Variants in WDPCP observed in about 807,000 individuals in gnomAD.
WDPCP encodes the protein WD repeat containing planar cell polarity effector, also known as WD repeat-containing and planar cell polarity effector protein fritz homolog.
A neutral mutation model predicts 93.1 loss-of-function variants in WDPCP; 71 were observed. The observed-to-expected ratio is 0.76, with a 90% CI of 0.63 to 0.93. WDPCP has a LOEUF of 0.93. WDPCP is among the 40% of genes least tolerant of loss of function. WDPCP has a pLI of 0.00. For missense variants in WDPCP, 844 were observed against 887.4 expected, an observed-to-expected ratio of 0.95 and a Z score of 0.62; for synonymous variants, 315 against 315.0, an observed-to-expected ratio of 1.00 and a Z score of 0.00.
chr2:63,668,150 G>A (rs992025287), intron 2 of WDPCP, among the ~76,000 whole-genome samples: 3 of 152,178 alleles, frequency 2.0e-5, no homozygotes, highest in African/African-American at 7.2e-5. Flanking sequence ...GACACAAAGT[G>A]AGATGTCAGA....
At chr2:63,208,749 G>C in intron 14 of WDPCP, among the ~76,000 whole-genome samples, 1 of 152,178 alleles carries the variant, frequency 6.6e-6, no homozygotes, top group African/African-American at 2.4e-5. Flanking sequence ...TACCTTCCGT[G>C]TGTTTCTCCC....
intron 12 of WDPCP, among the ~76,000 whole-genome samples, chr2:63,353,332 A>G (rs1689771074): frequency 6.6e-6 from 1 of 152,178 alleles, no homozygotes; most frequent in South Asian, 2.1e-4. Context: ...TAGACATTGG[A>G]ACATACCCCT....
chr2:63,337,050 T>C (rs1240381979), intron 12 of WDPCP, among the ~76,000 whole-genome samples: 1 of 152,048 alleles, frequency 6.6e-6, no homozygotes, highest in African/African-American at 2.4e-5. Flanking sequence ...TGTGACACAA[T>C]GCCCAGCTAA....
chr2:63,778,027 G>A (rs542438410), intron 2 of WDPCP, among the ~76,000 whole-genome samples: 1 of 152,252 alleles, frequency 6.6e-6, no homozygotes, highest in East Asian at 1.9e-4. Flanking sequence ...TGAACTCCTA[G>A]TATGCAATGC....
At chr2:63,230,191 T>C (rs1678725088) in intron 14 of WDPCP, among the ~76,000 whole-genome samples, 2 of 151,346 alleles carry the variant, frequency 1.3e-5, no homozygotes. Flanking sequence ...CAGTGTTTGG[T>C]TTTCTGTCCT....
At chr2:63,640,790 C>G (rs1032692650) in intron 3 of WDPCP, among the ~76,000 whole-genome samples, 3 of 152,144 alleles carry the variant, frequency 2.0e-5, no homozygotes, top group East Asian at 1.9e-4. Flanking sequence ...TCCATCCCCT[C>G]AAGCATTCAT....
chr2:63,629,874 A>G (rs1038987085), intron 3 of WDPCP, among the ~76,000 whole-genome samples: 1 of 152,262 alleles, frequency 6.6e-6, no homozygotes, highest in Admixed American at 6.5e-5. Context: ...TGTAATACTC[A>G]AAATGTCCAG....
intron 6 of WDPCP, among the ~76,000 whole-genome samples, chr2:63,471,560 G>A (rs959653784): frequency 1.3e-5 from 2 of 152,170 alleles, no homozygotes; most frequent in African/African-American, 4.8e-5. Context: ...GCTGTTTCTT[G>A]ATTTAGTCAT....
intron 3 of WDPCP, among the ~76,000 whole-genome samples, chr2:63,621,233 T>A (rs2106633932): frequency 6.6e-6 from 1 of 152,060 alleles, no homozygotes; most frequent in Admixed American, 6.5e-5. Flanking sequence ...TCCTCTGAGC[T>A]AAAGGAGCAC....
intron 6 of WDPCP, among the ~76,000 whole-genome samples, chr2:63,468,692 C>T (rs1175161527): frequency 1.3e-5 from 2 of 152,102 alleles, no homozygotes; most frequent in Non-Finnish European, 1.5e-5. Flanking sequence ...CAGGCACCTA[C>T]GTTCTATTCC....
At chr2:63,265,705 C>T (rs1682050608) in intron 13 of WDPCP, among the ~76,000 whole-genome samples, 1 of 152,036 alleles carries the variant, frequency 6.6e-6, no homozygotes, top group Non-Finnish European at 1.5e-5. Flanking sequence ...AAAGACATTA[C>T]AATAAAAGAA....
intron 13 of WDPCP, among the ~76,000 whole-genome samples, chr2:63,284,821 G>C (rs550704618): frequency 6.6e-6 from 1 of 152,292 alleles, no homozygotes; most frequent in South Asian, 2.1e-4. Context: ...TTAGACTGCA[G>C]TTGACTGTGG....
chr2:63,330,129 G>C (rs907822133), intron 12 of WDPCP, among the ~76,000 whole-genome samples: 2 of 152,114 alleles, frequency 1.3e-5, no homozygotes, highest in Non-Finnish European at 2.9e-5. Flanking sequence ...TGGACCATAT[G>C]ATAGTTTTGT....
chr2:63,807,305 T>C (rs1299657456), intron 2 of WDPCP, among the ~76,000 whole-genome samples: 1 of 152,194 alleles, frequency 6.6e-6, no homozygotes, highest in African/African-American at 2.4e-5. Flanking sequence ...CTTAGCGCCA[T>C]TCTTGAGATA....
chr2:63,524,181 G>C (rs1157670382), intron 1 of WDPCP, among the ~76,000 whole-genome samples: 1 of 152,102 alleles, frequency 6.6e-6, no homozygotes, highest in Admixed American at 6.5e-5. Context: ...TGGCCATACT[G>C]CCCATAAGCA....
intron 14 of WDPCP, among the ~76,000 whole-genome samples, chr2:63,248,402 G>A (rs1680456151): frequency 6.6e-6 from 1 of 151,968 alleles, no homozygotes; most frequent in South Asian, 2.1e-4. Context: ...TTGATTATAA[G>A]GTATCCTTTG....
At chr2:63,523,980 T>C (rs1703133825) in intron 1 of WDPCP, among the ~76,000 whole-genome samples, 2 of 152,030 alleles carry the variant, frequency 1.3e-5, no homozygotes, top group Non-Finnish European at 2.9e-5. Context: ...ACATCCAACC[T>C]GAGAGCCAAA....
At chr2:63,819,331 T>A (rs1448650650) in intron 1 of WDPCP, among the ~76,000 whole-genome samples, 2 of 151,626 alleles carry the variant, frequency 1.3e-5, no homozygotes, top group South Asian at 4.1e-4. Context: ...CTGAGGGATC[T>A]CCCTCAATTT....
At chr2:63,494,545 T>C (rs922558063) in intron 1 of WDPCP, among the ~76,000 whole-genome samples, 1 of 151,722 alleles carries the variant, frequency 6.6e-6, no homozygotes, top group Admixed American at 6.6e-5. Context: ...AGCTCCGGAG[T>C]CTGTTTGCAA....
Sources: allele counts gnomAD v4.1 joint callset (sites outside exome capture counted in the v4.1 genomes callset), GRCh38; gene constraint gnomAD v4.1.1; transcripts MANE v1.5; gene names NCBI Gene and HGNC (gene_info 2026-07-23, HGNC 2026-07-21).